The following SIAE variants were observed in gnomAD, a reference collection of about 807,000 sequenced individuals.
SIAE encodes the protein sialic acid acetylesterase.
SIAE carries 39 observed loss-of-function variants against 52.6 expected under a neutral mutation model. That is an observed-to-expected ratio of 0.74 (90% CI 0.57 to 0.97). The LOEUF (loss-of-function observed/expected upper bound fraction) is 0.97. Among genes scored for constraint, SIAE ranks in the 50% least tolerant of loss-of-function variants. SIAE has a pLI of 0.00. For missense variants in SIAE, 592 were observed against 662.1 expected (o/e 0.89, Z 1.16); for synonymous variants, 233 against 241.4 (o/e 0.97, Z 0.32).
intron 2 of SIAE, among the ~76,000 whole-genome samples, chr11:124,663,315 G>A (rs1239462844): frequency 3.3e-5 from 5 of 152,150 alleles, no homozygotes; most frequent in African/African-American, 4.8e-5. Context: ...AGTGGCTTGC[G>A]CCTGTAATCC....
rs1942664856 is a variant in SIAE, at chr11:124,633,952, C to G, written c.*2999G>C. ...TAGAAAGGTTGAACTGGTTTTTCAG[C>G]TATAATGCATATACAACTATAGTGT... On this transcript the variant is annotated 3_prime_UTR_variant, in exon 10 of 10. Transcript: ENST00000263593. The G allele has an allele frequency of 6.6e-6, 1 of 152,312 alleles. No individual in the cohort carries two copies. Among genetic ancestry groups the G allele is most frequent in the East Asian group, 1.9e-4 (1 of 5,186 alleles). 9.4% of individuals were successfully genotyped at this position (152,312 alleles called of 1,614,324 possible). A position where few individuals can be genotyped will look rare whatever the true frequency, so the allele number is the denominator to read the frequency against.
At chr11:124,649,533 A>T (rs1942986957) in intron 5 of SIAE, 86 bp downstream of exon 5, 1 of 1,423,650 alleles carries the variant, frequency 7.0e-7, no homozygotes, top group African/African-American at 1.4e-5. Context: ...TTCACCATAT[A>T]CTTAACTCCC....
At chr11:124,646,586 G>A (rs1050089220) in intron 7 of SIAE, among the ~76,000 whole-genome samples, 9 of 151,246 alleles carry the variant, frequency 6.0e-5, no homozygotes, top group Admixed American at 2.6e-4. Flanking sequence ...TGGGGAGGGG[G>A]TGGGGAAATG....
chr11:124,652,736 G>A (rs1440036388), intron 4 of SIAE, among the ~76,000 whole-genome samples: 1 of 150,226 alleles, frequency 6.7e-6, no homozygotes, highest in East Asian at 1.9e-4. Context: ...GCAGGCAGGA[G>A]AGATTCTCAA....
At position 124,653,686 on chromosome 11, in the gene SIAE, C is replaced by T. The variant is rs564201387; in HGVS notation, c.544+969G>A. Among the ~76,000 whole-genome samples, 5 of 152,266 alleles carry T rather than the reference C, an allele frequency of 3.3e-5. No homozygotes were observed. In the South Asian group the frequency reaches 6.2e-4, roughly 19 times the overall value. On this transcript the variant is annotated intron_variant, in intron 4 of 9. Coordinates refer to ENST00000263593, the MANE Select transcript of SIAE (RefSeq NM_170601.5). ...CAGTGAAAAGAATGAAAACAGAAGACGTTCTAGAAAGGTTTAACAAAGCAA... is the reference window on the plus strand; with the variant it reads ...CAGTGAAAAGAATGAAAACAGAAGATGTTCTAGAAAGGTTTAACAAAGCAA...
At chr11:124,675,475 G>A, upstream of SIAE, 2 of 1,576,100 alleles carry the variant, frequency 1.3e-6, no homozygotes, top group Non-Finnish European at 1.7e-6. Flanking sequence ...TTTGTTTATG[G>A]TAAAACTTGC....
Position 124,639,722 on chromosome 11 carries a change from G to T in SIAE, c.1112C>A (p.Ser371Ter), listed in dbSNP as rs773707778. 2 of 1,614,044 alleles carry T rather than the reference G, an allele frequency of 1.2e-6. No homozygotes were observed. The highest frequency in any genetic ancestry group is 8.5e-7 in the Non-Finnish European group (1 of 1,179,944). ...GAAGCAATCATACCTGCCAAAAGGC[G>T]AGTCTCTATCACAGAGATCCATAGC... ...AVAMDLCDRD[S>*]PFGSIHPRDK... Residue 371 changes from serine (S) to a stop codon, truncating the protein, a stop_gained, in exon 8 of 10, where the codon TCG (serine) becomes TAG (stop). Transcript: ENST00000263593. LOFTEE classifies it high-confidence loss of function.
chr11:124,673,971 T>G (rs760730311), upstream of SIAE: 83 of 537,696 alleles, frequency 1.5e-4, 1 homozygote, highest in Admixed American at 3.1e-4. Flanking sequence ...GCTTCCCCAC[T>G]TCCTCTCCGA....
intron 4 of SIAE, 84 bp downstream of exon 4, chr11:124,654,571 A>G (rs1591390141): frequency 3.7e-6 from 6 of 1,612,094 alleles, no homozygotes; most frequent in South Asian, 2.2e-5. Context: ...AAATAGACAC[A>G]TAAGAACCAA....
chr11:124,649,788 C>T lies in SIAE; in HGVS notation c.553G>A (p.Gly185Ser). Reference protein sequence around the residue: ...QWSKPTSENLGHGYFKYMSAV... With the variant: ...QWSKPTSENLSHGYFKYMSAV... Reference sequence around the variant, plus strand: ...GACATGTACTTGAAATATCCATGGCCTAAGTTTTCTGTTCAGAGAAATGGT... The same window carrying T: ...GACATGTACTTGAAATATCCATGGCTTAAGTTTTCTGTTCAGAGAAATGGT... Residue 185 changes from glycine (G) to serine (S), a missense_variant, in exon 5 of 10, where the codon GGC becomes AGC. Transcript: ENST00000263593. 1 of 1,614,048 alleles carries T rather than the reference C, an allele frequency of 6.2e-7. No homozygotes were observed. The highest frequency in any genetic ancestry group is 8.5e-7 in the Non-Finnish European group (1 of 1,179,982).
chr11:124,654,729 A>G lies in SIAE; in HGVS notation c.470T>C (p.Val157Ala). ...AAYQSVRILSVSPIQAEQELE... is the reference protein window; with the variant it reads ...AAYQSVRILSASPIQAEQELE... Reference sequence around the variant, plus strand: ...CTCCTGCTCTGCTTGAATGGGAGAGACAGAGAGGATGCGGACAGACTGATA... The same window carrying G: ...CTCCTGCTCTGCTTGAATGGGAGAGGCAGAGAGGATGCGGACAGACTGATA... The change falls in exon 4 of 10, where the codon GTC becomes GCC. Residue 157 changes from valine to alanine, a missense_variant. By Grantham distance (64) the Val-to-Ala change is moderately conservative. Coordinates refer to ENST00000263593, the MANE Select transcript of SIAE (RefSeq NM_170601.5). The G allele has an allele frequency of 6.2e-7, 1 of 1,614,062 alleles. No individual in the cohort carries two copies. Among genetic ancestry groups the G allele is most frequent in the Non-Finnish European group, 8.5e-7 (1 of 1,180,004 alleles).
At chr11:124,654,967 C>G (rs1202364586) in intron 3 of SIAE, among the ~76,000 whole-genome samples, 174 bp from the exon 4 acceptor site, 2 of 151,946 alleles carry the variant, frequency 1.3e-5, no homozygotes, top group Non-Finnish European at 2.9e-5. Flanking sequence ...CAAAAGAGAC[C>G]AGGATGAATC....
chr11:124,665,145 C>T (rs1318109103), intron 2 of SIAE, among the ~76,000 whole-genome samples: 1 of 152,232 alleles, frequency 6.6e-6, no homozygotes, highest in Non-Finnish European at 1.5e-5. Context: ...CCTAAGGTGA[C>T]ACCCCAAAGT....
intron 3 of SIAE, among the ~76,000 whole-genome samples, chr11:124,655,607 G>A (rs1426313632): frequency 1.3e-5 from 2 of 152,138 alleles, no homozygotes; most frequent in Non-Finnish European, 2.9e-5. Context: ...CATGACTGTT[G>A]AACTACTGAA....
At chr11:124,654,609 C>A (rs781443792) in intron 4 of SIAE, 46 bp downstream of exon 4, 1 of 1,613,628 alleles carries the variant, frequency 6.2e-7, no homozygotes. Context: ...CCACTTAGGG[C>A]GCTAACCCAT....
intron 7 of SIAE, among the ~76,000 whole-genome samples, chr11:124,641,000 C>G (rs1190916761): frequency 2.0e-5 from 3 of 152,182 alleles, no homozygotes; most frequent in Non-Finnish European, 4.4e-5. Context: ...CAAGAGCTAC[C>G]TATATAAGAA....
At position 124,636,505 on chromosome 11, in the gene SIAE, G is replaced by A. The variant is rs549539695; in HGVS notation, c.*446C>T. On this transcript the variant is annotated 3_prime_UTR_variant, in exon 10 of 10. Coordinates refer to ENST00000263593, the MANE Select transcript of SIAE (RefSeq NM_170601.5). ...AACGCGCCTGATCTCATCTGATCTC[G>A]GAAGCTAAGCAGGGTCGGGCCTGGT... 2.2e-5 allele frequency: 5 copies of A among 229,396 alleles called. No homozygotes were observed. Among genetic ancestry groups the A allele is most frequent in the Non-Finnish European group, 4.3e-5 (5 of 115,146 alleles). The allele number at this position is 229,396 out of a possible 1,614,324, so 14.2% of individuals were successfully genotyped here.
intron 7 of SIAE, among the ~76,000 whole-genome samples, chr11:124,640,075 T>C (rs1942820151): frequency 6.6e-6 from 1 of 152,206 alleles, no homozygotes; most frequent in African/African-American, 2.4e-5. Context: ...CAGTGCAACT[T>C]TGCCACACCT....
At position 124,649,784 on chromosome 11, in the gene SIAE, T is replaced by C. The variant is rs887491328; in HGVS notation, c.557A>G (p.His186Arg). The change falls in exon 5 of 10, where the codon CAT (histidine) becomes CGT (arginine). Residue 186 changes from histidine to arginine, a missense_variant. Transcript: ENST00000263593. The stretch of plus-strand genomic sequence containing the variant: ...TGCTGACATGTACTTGAAATATCCA[T>C]GGCCTAAGTTTTCTGTTCAGAGAAA... ...WSKPTSENLGHGYFKYMSAVC... is the reference protein window; with the variant it reads ...WSKPTSENLGRGYFKYMSAVC... 4 of 1,614,172 alleles carry C rather than the reference T, an allele frequency of 2.5e-6. No individual in the cohort carries two copies. Among genetic ancestry groups the C allele is most frequent in the East Asian group, 2.2e-5 (1 of 44,882 alleles).
Sources: allele counts gnomAD v4.1 joint callset (sites outside exome capture counted in the v4.1 genomes callset), GRCh38; gene constraint gnomAD v4.1.1; transcripts MANE v1.5; gene names NCBI Gene and HGNC (gene_info 2026-07-23, HGNC 2026-07-21).